PCDH7: variants seen among roughly 807,000 people sequenced by gnomAD.
PCDH7 encodes protocadherin 7.
A neutral mutation model predicts 58.9 loss-of-function variants in PCDH7; 17 were observed. That is an observed-to-expected ratio of 0.29 (90% CI 0.20 to 0.43). The LOEUF (loss-of-function observed/expected upper bound fraction) is 0.43. Ranked by LOEUF, PCDH7 falls within the 20% of genes least tolerant of loss-of-function variation. PCDH7 has a pLI of 1.00. For synonymous variants in PCDH7, 664 were observed against 616.4 expected, an observed-to-expected ratio of 1.08 and a Z score of -1.14; for missense variants, 1,274 against 1,441.0, an observed-to-expected ratio of 0.88 and a Z score of 1.88.
intron 1 of PCDH7, among the ~76,000 whole-genome samples, chr4:30,858,609 C>A (rs1560441719): frequency 6.6e-6 from 1 of 152,110 alleles, no homozygotes; most frequent in African/African-American, 2.4e-5. Flanking sequence ...TTAGAAATAC[C>A]TTTCTGCACA....
At chr4:30,938,963 A>T (rs1745701123) in intron 2 of PCDH7, among the ~76,000 whole-genome samples, 2 of 152,254 alleles carry the variant, frequency 1.3e-5, no homozygotes, top group East Asian at 1.9e-4. Flanking sequence ...TGAGGTAAAA[A>T]TATACAAATA....
chr4:31,013,172 A>G (rs1270183024), intron 3 of PCDH7, among the ~76,000 whole-genome samples: 1 of 150,502 alleles, frequency 6.6e-6, no homozygotes, highest in Non-Finnish European at 1.5e-5. Context: ...AGCCTGGGCA[A>G]CAGAAGGAGA....
chr4:30,808,682 C>T (rs1016029928), intron 1 of PCDH7, among the ~76,000 whole-genome samples: 1 of 152,090 alleles, frequency 6.6e-6, no homozygotes. Flanking sequence ...AATATAGGCT[C>T]ACTAATTTCT....
intron 3 of PCDH7, among the ~76,000 whole-genome samples, chr4:31,089,613 G>T (rs1008719929): frequency 6.6e-6 from 1 of 152,004 alleles, no homozygotes; most frequent in Non-Finnish European, 1.5e-5. Context: ...AATTCCCAGT[G>T]TAGAAATATT....
chr4:30,788,816 C>T (rs1042433674), intron 1 of PCDH7, among the ~76,000 whole-genome samples: 1 of 152,114 alleles, frequency 6.6e-6, no homozygotes, highest in Admixed American at 6.6e-5. Flanking sequence ...ATGAGGGACA[C>T]ATTTTTTGAG....
intron 3 of PCDH7, among the ~76,000 whole-genome samples, chr4:31,138,734 G>A (rs961229187): frequency 2.0e-5 from 3 of 152,098 alleles, no homozygotes; most frequent in African/African-American, 7.2e-5. Flanking sequence ...CACTTTGGGA[G>A]GCCAAGGCAG....
intron 1 of PCDH7, among the ~76,000 whole-genome samples, chr4:30,752,783 C>CAAAA (rs35860745): frequency 9.5e-4 from 94 of 98,856 alleles, no homozygotes; most frequent in Middle Eastern, 6.6e-3. Flanking sequence ...CCTGTAGGGG[C>CAAAA]AAAAAAAAAA....
intron 1 of PCDH7, among the ~76,000 whole-genome samples, chr4:30,914,522 A>T (rs908233354): frequency 6.6e-6 from 1 of 152,250 alleles, no homozygotes; most frequent in African/African-American, 2.4e-5. Context: ...TATTTGCATT[A>T]CAAATAATTT....
At chr4:31,103,558 A>C (rs1715170823) in intron 3 of PCDH7, among the ~76,000 whole-genome samples, 1 of 151,872 alleles carries the variant, frequency 6.6e-6, no homozygotes, top group Non-Finnish European at 1.5e-5. Context: ...GGCTGATCTC[A>C]ACCTCCTGAC....
chr4:31,136,487 C>A (rs1229369815), intron 3 of PCDH7, among the ~76,000 whole-genome samples: 3 of 152,112 alleles, frequency 2.0e-5, no homozygotes, highest in African/African-American at 7.2e-5. Flanking sequence ...ACAGATGATG[C>A]CACAGCAAGG....
intron 3 of PCDH7, among the ~76,000 whole-genome samples, chr4:31,055,760 A>G (rs1757113179): frequency 1.3e-5 from 2 of 151,834 alleles, no homozygotes; most frequent in African/African-American, 4.8e-5. Flanking sequence ...TATTTTTAGT[A>G]GAGGCGGGGT....
chr4:30,837,575 G>C (rs1199303104), intron 1 of PCDH7, among the ~76,000 whole-genome samples: 1 of 151,860 alleles, frequency 6.6e-6, no homozygotes, highest in East Asian at 1.9e-4. Flanking sequence ...CGAGAATAGA[G>C]GGGAGTATGT....
intron 1 of PCDH7, among the ~76,000 whole-genome samples, chr4:30,802,562 G>A (rs999240436): frequency 3.9e-5 from 6 of 151,948 alleles, no homozygotes; most frequent in Non-Finnish European, 7.4e-5. Flanking sequence ...AAAAGAATAA[G>A]GATTCTTTTG....
intron 1 of PCDH7, among the ~76,000 whole-genome samples, chr4:30,765,348 T>C (rs1300196649): frequency 2.6e-5 from 4 of 152,234 alleles, no homozygotes; most frequent in East Asian, 3.9e-4. Flanking sequence ...ATAATGTTCA[T>C]GGCCTTGCCG....
chr4:31,096,066 T>G (rs1485012233), intron 3 of PCDH7, among the ~76,000 whole-genome samples: 3 of 152,262 alleles, frequency 2.0e-5, no homozygotes, highest in Middle Eastern at 3.4e-3. Context: ...GCTTAAGTGT[T>G]ACAATAACCT....
chr4:30,989,054 C>A (rs879809777), intron 3 of PCDH7, among the ~76,000 whole-genome samples: 6 of 152,094 alleles, frequency 3.9e-5, no homozygotes, highest in African/African-American at 9.7e-5. Flanking sequence ...ATGATTTAGA[C>A]CACAATTTAT....
At chr4:31,117,122 T>G (rs1211467476) in intron 3 of PCDH7, among the ~76,000 whole-genome samples, 1 of 152,206 alleles carries the variant, frequency 6.6e-6, no homozygotes, top group Non-Finnish European at 1.5e-5. Context: ...CCTCAAGTGA[T>G]CCACCTGCCC....
chr4:30,789,756 C>T (rs1048846308), intron 1 of PCDH7, among the ~76,000 whole-genome samples: 72 of 152,188 alleles, frequency 4.7e-4, no homozygotes, highest in African/African-American at 1.7e-3. Flanking sequence ...TTGATGAAAC[C>T]GAGATAAGGA....
intron 1 of PCDH7, among the ~76,000 whole-genome samples, chr4:30,811,112 C>A (rs1030879507): frequency 6.6e-6 from 1 of 152,138 alleles, no homozygotes; most frequent in Non-Finnish European, 1.5e-5. Flanking sequence ...GAGGCTCAGA[C>A]AACTGGATAA....
Sources: allele counts gnomAD v4.1 joint callset (sites outside exome capture counted in the v4.1 genomes callset), GRCh38; gene constraint gnomAD v4.1.1; transcripts MANE v1.5; gene names NCBI Gene and HGNC (gene_info 2026-07-23, HGNC 2026-07-21).